MTMR8: variants seen among roughly 807,000 people sequenced by gnomAD.
MTMR8 encodes phosphatidylinositol-3,5-bisphosphate 3-phosphatase MTMR8.
MTMR8 carries 65 observed loss-of-function variants against 39.3 expected under a neutral mutation model. That is an observed-to-expected ratio of 1.65 (90% CI 1.35 to 2.03). The LOEUF is 2.03. Among genes scored for constraint, MTMR8 ranks in the 30% most tolerant of loss-of-function variants. The pLI is 0.00. For synonymous variants in MTMR8, 245 were observed against 185.2 expected, an observed-to-expected ratio of 1.32 and a Z score of -2.62; for missense variants, 777 against 538.9, an observed-to-expected ratio of 1.44 and a Z score of -4.37.
intron 6 of MTMR8, among the ~76,000 whole-genome samples, chrX:64,347,680 T>A (rs1923378295): frequency 8.9e-6 from 1 of 112,465 alleles, no homozygotes; most frequent in African/African-American, 3.2e-5. Context: ...AACCTCTTAG[T>A]CAGTCACACT....
chrX:64,299,675 G>A (rs1338851051), intron 12 of MTMR8, among the ~76,000 whole-genome samples: 1,179 of 91,866 alleles, frequency 0.013, 20 homozygotes, highest in African/African-American at 0.044. Context: ...TGATGTTAGG[G>A]TGTCAATTTT....
intron 1 of MTMR8, among the ~76,000 whole-genome samples, chrX:64,375,083 G>A (rs1325588908): frequency 9.3e-6 from 1 of 107,096 alleles, no homozygotes; most frequent in African/African-American, 3.4e-5. Context: ...GGAAGGGCCA[G>A]CTGTGGTGGC....
Position 64,337,279 on chromosome X carries a change from T to C in MTMR8, c.1090A>G (p.Lys364Glu). The C allele has an allele frequency of 8.3e-7, 1 of 1,209,947 alleles. No individual in the cohort carries two copies. The highest frequency in any genetic ancestry group is 1.1e-6 in the Non-Finnish European group (1 of 894,499). The change falls in exon 9 of 14, where the codon AAA becomes GAA. Residue 364 changes from lysine to glutamate, a missense_variant. Coordinates refer to ENST00000374852, the MANE Select transcript of MTMR8 (RefSeq NM_017677.4). The part of the protein sequence containing the change: ...ILLDPFYRTF[K>E]GLMILIEKEW... ...GCGTGCTCTCTTACCATGAGTCCTT[T>C]GAATGTCCTATAAAATGGATCTAGG...
At chrX:64,323,326 G>T (rs769276851) in intron 12 of MTMR8, among the ~76,000 whole-genome samples, 5 of 111,986 alleles carry the variant, frequency 4.5e-5, no homozygotes, top group African/African-American at 1.3e-4. Flanking sequence ...GAGAAAAGAA[G>T]TTCATTATAT....
chrX:64,329,136 T>C (rs1922878514), intron 11 of MTMR8, among the ~76,000 whole-genome samples: 1 of 111,875 alleles, frequency 8.9e-6, no homozygotes, highest in East Asian at 2.8e-4. Flanking sequence ...AGTTCCATAT[T>C]GGAGAACAGG....
intron 12 of MTMR8, among the ~76,000 whole-genome samples, chrX:64,274,385 G>A (rs1277293408): frequency 8.9e-6 from 1 of 111,888 alleles, no homozygotes; most frequent in Non-Finnish European, 1.9e-5. Flanking sequence ...AAATCAAAAG[G>A]GAAATTGGAA....
chrX:64,370,338 A>G (rs139795886), intron 1 of MTMR8, among the ~76,000 whole-genome samples: 1,543 of 109,823 alleles, frequency 0.014, 36 homozygotes, highest in African/African-American at 0.047. Context: ...ATACCCTTAG[A>G]TGTCATAATT....
At chrX:64,311,176 T>C (rs952623683) in intron 12 of MTMR8, among the ~76,000 whole-genome samples, 3 of 111,746 alleles carry the variant, frequency 2.7e-5, no homozygotes, top group African/African-American at 9.8e-5. Context: ...TATCCTGACT[T>C]TTTAATGTTC....
At chrX:64,318,008 A>G (rs984250066) in intron 12 of MTMR8, among the ~76,000 whole-genome samples, 5 of 112,323 alleles carry the variant, frequency 4.5e-5, no homozygotes, top group African/African-American at 1.3e-4. Flanking sequence ...GTGACCTCCA[A>G]TGACAACACA....
intron 12 of MTMR8, among the ~76,000 whole-genome samples, chrX:64,281,393 A>G (rs893489683): frequency 1.8e-5 from 2 of 111,578 alleles, no homozygotes; most frequent in Non-Finnish European, 3.8e-5. Flanking sequence ...CAGAAAAAAC[A>G]CCACACATCT....
chrX:64,351,372 G>T (rs893675301), intron 4 of MTMR8, among the ~76,000 whole-genome samples: 7 of 111,488 alleles, frequency 6.3e-5, no homozygotes, highest in African/African-American at 2.3e-4. Context: ...TATTATGATA[G>T]TAAAAACACT....
At chrX:64,386,813 G>A (rs892534137) in intron 1 of MTMR8, among the ~76,000 whole-genome samples, 1 of 110,916 alleles carries the variant, frequency 9.0e-6, no homozygotes, top group African/African-American at 3.3e-5. Flanking sequence ...GGAGGCCCAA[G>A]TAGGAGGATT....
chrX:64,312,524 G>T (rs909583494), intron 12 of MTMR8, among the ~76,000 whole-genome samples: 2 of 112,397 alleles, frequency 1.8e-5, no homozygotes, highest in Non-Finnish European at 1.9e-5. Context: ...ATTAGGAAAA[G>T]AGGAAGTCAA....
At chrX:64,318,701 G>GTTT (rs1368895527) in intron 12 of MTMR8, among the ~76,000 whole-genome samples, 4 of 89,406 alleles carry the variant, frequency 4.5e-5, no homozygotes, top group African/African-American at 1.6e-4. Flanking sequence ...GTTTGGTTTG[G>GTTT]TTTTTTGTTT....
At chrX:64,335,646 G>T (rs1009868952) in intron 10 of MTMR8, among the ~76,000 whole-genome samples, 3 of 111,655 alleles carry the variant, frequency 2.7e-5, no homozygotes, top group African/African-American at 9.8e-5. Context: ...CTTACAAAAG[G>T]TTAAAAGGTG....
At chrX:64,336,411 A>C (rs1923074271) in intron 9 of MTMR8, among the ~76,000 whole-genome samples, 1 of 110,522 alleles carries the variant, frequency 9.0e-6, no homozygotes, top group Admixed American at 9.7e-5. Flanking sequence ...CCTGATAAGC[A>C]CGATATTAAA....
At chrX:64,298,222 T>C (rs1390738268) in intron 12 of MTMR8, among the ~76,000 whole-genome samples, 2 of 104,511 alleles carry the variant, frequency 1.9e-5, no homozygotes, top group African/African-American at 7.1e-5. Flanking sequence ...GAGCGTGGAA[T>C]GTTCTTCCAT....
intron 12 of MTMR8, among the ~76,000 whole-genome samples, chrX:64,274,991 G>C (rs1310561882): frequency 9.0e-6 from 1 of 111,381 alleles, no homozygotes; most frequent in Non-Finnish European, 1.9e-5. Context: ...TGCCCAGCAT[G>C]GTGACCATGG....
intron 12 of MTMR8, among the ~76,000 whole-genome samples, chrX:64,285,280 A>G (rs1252345723): frequency 8.9e-6 from 1 of 112,024 alleles, no homozygotes; most frequent in East Asian, 2.8e-4. Flanking sequence ...TAACTATCCT[A>G]AATATATATG....
Sources: gnomAD v4.1 joint callset for allele counts (sites outside exome capture counted in the v4.1 genomes callset) on GRCh38, gnomAD v4.1.1 for gene constraint, MANE v1.5 for transcripts, NCBI Gene and HGNC (gene_info 2026-07-23, HGNC 2026-07-21) for gene names.